MARK3: variants seen among roughly 807,000 people sequenced by gnomAD.
MARK3 encodes microtubule affinity regulating kinase 3.
In MARK3, 46 loss-of-function variants were observed where a neutral mutation model predicts 90.1. The observed-to-expected ratio is 0.51, with a 90% CI of 0.40 to 0.65. The LOEUF (loss-of-function observed/expected upper bound fraction) is 0.65. Among genes scored for constraint, MARK3 ranks in the 30% least tolerant of loss-of-function variants. MARK3 has a pLI of 0.00. For synonymous variants in MARK3, 321 were observed against 332.6 expected (o/e 0.97, Z 0.38); for missense variants, 818 against 947.2 (o/e 0.86, Z 1.79).
chr14:103,397,381 C>T (rs2090647980), intron 1 of MARK3, among the ~76,000 whole-genome samples: 1 of 147,112 alleles, frequency 6.8e-6, no homozygotes, highest in Non-Finnish European at 1.5e-5. Context: ...GACTGGAGTG[C>T]AGTGGTGCGA....
intron 15 of MARK3, among the ~76,000 whole-genome samples, chr14:103,492,850 G>A (rs2075083507): frequency 1.3e-5 from 2 of 152,204 alleles, no homozygotes; most frequent in South Asian, 4.1e-4. Flanking sequence ...GTAAACAATA[G>A]TGAAAGGCAC....
At chr14:103,454,015 C>T (rs1174183471) in intron 5 of MARK3, among the ~76,000 whole-genome samples, 1 of 152,164 alleles carries the variant, frequency 6.6e-6, no homozygotes, top group Non-Finnish European at 1.5e-5. Flanking sequence ...AGGGGCAAGA[C>T]AAAAACATCT....
At chr14:103,467,238 GT>G in intron 11 of MARK3, 47 bp downstream of exon 11, 1 of 842,222 alleles carries the variant, frequency 1.2e-6, no homozygotes. Flanking sequence ...GTAATTATTA[GT>G]TTATATAAAC....
At chr14:103,412,442 A>C in intron 2 of MARK3, 1 of 552,684 alleles carries the variant, frequency 1.8e-6, no homozygotes, top group Non-Finnish European at 3.2e-6. Context: ...TGAAGCCAAA[A>C]ATGCATCATA....
At chr14:103,478,404 G>A (rs191354169) in intron 13 of MARK3, among the ~76,000 whole-genome samples, 76 of 144,196 alleles carry the variant, frequency 5.3e-4, no homozygotes, top group African/African-American at 2.0e-3. Context: ...CCACCAGTCT[G>A]TGTTCTGTCT....
intron 1 of MARK3, among the ~76,000 whole-genome samples, chr14:103,390,674 C>G (rs1193609257): frequency 6.6e-6 from 1 of 152,206 alleles, no homozygotes; most frequent in African/African-American, 2.4e-5. Context: ...GGGCTGCATG[C>G]AGCCCTAGGG....
chr14:103,500,072 G>T (rs975293298), intron 16 of MARK3, 84 bp from the exon 17 acceptor site: 1 of 1,010,058 alleles, frequency 9.9e-7, no homozygotes, highest in South Asian at 1.4e-5. Context: ...TGGTGTTGGT[G>T]TTGGTATTGG....
At chr14:103,474,856 A>G (rs2093688800) in intron 12 of MARK3, 137 bp from the exon 13 acceptor site, 2 of 642,348 alleles carry the variant, frequency 3.1e-6, no homozygotes, top group Non-Finnish European at 2.7e-6. Flanking sequence ...TAAGTGGGAA[A>G]CATCTTAGAG....
At chr14:103,409,435 T>TAAAAAAAA (rs61200962) in intron 2 of MARK3, among the ~76,000 whole-genome samples, 13 of 93,420 alleles carry the variant, frequency 1.4e-4, no homozygotes, top group African/African-American at 3.3e-4. Flanking sequence ...GAACTTAAAG[T>TAAAAAAAA]AAAAAAAAAA....
Position 103,483,942 on chromosome 14 carries a change from T to C in MARK3, c.1586+3452T>C, listed in dbSNP as rs528565243. 2.0e-5 allele frequency among the ~76,000 whole-genome samples: 3 copies of C among 152,350 alleles called. No homozygotes were observed. The South Asian group carries it at 6.2e-4, about 32-fold the overall frequency. ...AAATGTTAGCTTTCATTATTAATTA[T>C]AGACTGTTCAGACAAGGTTATGCAG... On this transcript the variant is annotated intron_variant, in intron 14 of 17. Coordinates refer to ENST00000429436, the MANE Select transcript of MARK3 (RefSeq NM_001128918.3).
chr14:103,392,145 T>A lies in MARK3; in HGVS notation c.51+6065T>A, dbSNP rs184520039. Among the ~76,000 whole-genome samples the A allele has an allele frequency of 2.0e-5, 3 of 152,326 alleles. 1 individual carries two copies. The highest frequency in any genetic ancestry group is 7.2e-5 in the African/African-American group (3 of 41,580). On this transcript the variant is annotated intron_variant, in intron 1 of 17. Transcript: ENST00000429436. Reference sequence around the variant, plus strand: ...AAATTTCTGACCTCTGTGAAACTGATGATGCTGTTGTCTAGTCAGTCATCG... The same window carrying A: ...AAATTTCTGACCTCTGTGAAACTGAAGATGCTGTTGTCTAGTCAGTCATCG...
In MARK3 at chr14:103,396,616, T is replaced by C. The variant is rs558056189; in HGVS notation, c.52-8460T>C. Among the ~76,000 whole-genome samples, 8 of 152,210 alleles carry C rather than the reference T, an allele frequency of 5.3e-5. No homozygotes were observed. In the East Asian group the frequency reaches 9.7e-4, roughly 18 times the overall value. ...AAGATTGATAGGCTTCTTGAAAAATTGGCGGTAAATTTGGCTAATGGTGGG... is the reference window on the plus strand; with the variant it reads ...AAGATTGATAGGCTTCTTGAAAAATCGGCGGTAAATTTGGCTAATGGTGGG... On this transcript the variant is annotated intron_variant, in intron 1 of 17. Coordinates refer to ENST00000429436, the MANE Select transcript of MARK3 (RefSeq NM_001128918.3).
intron 2 of MARK3, among the ~76,000 whole-genome samples, chr14:103,425,403 T>C (rs948678214): frequency 1.3e-5 from 2 of 151,582 alleles, no homozygotes; most frequent in Admixed American, 1.3e-4. Context: ...GGTGGGATTA[T>C]AGGCATCCGC....
intron 14 of MARK3, among the ~76,000 whole-genome samples, chr14:103,482,559 A>C (rs2093845918): frequency 6.6e-6 from 1 of 152,042 alleles, no homozygotes; most frequent in Admixed American, 6.6e-5. Context: ...ACTACTTCTA[A>C]ATTCTGAAAA....
chr14:103,420,889 T>A (rs2092187906), intron 2 of MARK3, among the ~76,000 whole-genome samples: 1 of 152,146 alleles, frequency 6.6e-6, no homozygotes, highest in Non-Finnish European at 1.5e-5. Context: ...TTTTTTGTGA[T>A]CTATTTAATG....
Position 103,386,304 on chromosome 14 carries a change from T to C in MARK3, c.51+224T>C. ...AAGTACATCGATTATGCCGGCAGTCTAGTCGGTTAATAAAGCCCAGGAGTT... is the reference window on the plus strand; with the variant it reads ...AAGTACATCGATTATGCCGGCAGTCCAGTCGGTTAATAAAGCCCAGGAGTT... On this transcript the variant is annotated intron_variant, in intron 1 of 17. Coordinates refer to ENST00000429436, the MANE Select transcript of MARK3 (RefSeq NM_001128918.3). The C allele has an allele frequency of 1.0e-5, 7 of 700,756 alleles. 1 individual carries two copies. The South Asian group carries it at 1.0e-4, about 10-fold the overall frequency. The allele number at this position is 700,756 out of a possible 1,614,324, so 43.4% of individuals were successfully genotyped here. A position where few individuals can be genotyped will look rare whatever the true frequency, so the allele number is the denominator to read the frequency against.
chr14:103,446,809 G>A (rs905859887), intron 3 of MARK3, among the ~76,000 whole-genome samples: 5 of 149,164 alleles, frequency 3.4e-5, no homozygotes, highest in African/African-American at 1.2e-4. Flanking sequence ...CCTCCAGGAG[G>A]TGTTGTAATT....
intron 1 of MARK3, among the ~76,000 whole-genome samples, chr14:103,397,031 A>G (rs1209852592): frequency 6.6e-6 from 1 of 152,202 alleles, no homozygotes; most frequent in African/African-American, 2.4e-5. Context: ...GTTAAATAAA[A>G]TGGTATTTAA....
At chr14:103,495,920 T>C (rs1474422597) in intron 15 of MARK3, among the ~76,000 whole-genome samples, 11 of 152,246 alleles carry the variant, frequency 7.2e-5, no homozygotes. Context: ...TGCACTTAGA[T>C]GCTGCAAGGG....
Sources: gnomAD v4.1 joint callset for allele counts (sites outside exome capture counted in the v4.1 genomes callset) on GRCh38, gnomAD v4.1.1 for gene constraint, MANE v1.5 for transcripts, NCBI Gene and HGNC (gene_info 2026-07-23, HGNC 2026-07-21) for gene names.